RTF1: variants seen among roughly 807,000 people sequenced by gnomAD.
The protein encoded by RTF1 is RTF1 homolog, Paf1/RNA polymerase II complex component, also known as RNA polymerase-associated protein RTF1 homolog.
A neutral mutation model predicts 95.7 loss-of-function variants in RTF1; 10 were observed. The ratio of observed to expected loss-of-function variants is 0.10; its 90% CI spans 0.06 to 0.18. The LOEUF is 0.18. Ranked by LOEUF, RTF1 falls within the 10% of genes least tolerant of loss-of-function variation. The pLI is 1.00. For missense variants in RTF1, 458 were observed against 875.6 expected (o/e 0.52, Z 6.02); for synonymous variants, 305 against 311.8 (o/e 0.98, Z 0.23).
intron 7 of RTF1, 119 bp from the exon 8 acceptor site, chr15:41,471,053 T>G (rs772818953): frequency 2.9e-5 from 26 of 905,066 alleles, no homozygotes; most frequent in Non-Finnish European, 4.0e-5. Context: ...CTTCATTTAC[T>G]TCTCCTCCTA....
chr15:41,440,923 A>G (rs886571102), intron 2 of RTF1, among the ~76,000 whole-genome samples: 2 of 151,626 alleles, frequency 1.3e-5, no homozygotes, highest in South Asian at 2.1e-4. Flanking sequence ...ATGCCTAGAC[A>G]ATACAGAAAA....
chr15:41,460,367 C>G (rs892853524), intron 4 of RTF1, among the ~76,000 whole-genome samples: 4 of 152,104 alleles, frequency 2.6e-5, no homozygotes, highest in Non-Finnish European at 5.9e-5. Flanking sequence ...AAGTGATCCA[C>G]CTGCCTCAGC....
chr15:41,446,668 A>G (rs2050765060), intron 2 of RTF1, among the ~76,000 whole-genome samples: 1 of 152,162 alleles, frequency 6.6e-6, no homozygotes. Flanking sequence ...GTCTCACACT[A>G]CCCTGGTAGG....
chr15:41,438,263 T>C (rs1021033567), intron 1 of RTF1, 58 bp from the exon 2 acceptor site: 103 of 1,183,530 alleles, frequency 8.7e-5, no homozygotes, highest in Non-Finnish European at 1.2e-4. Context: ...CATTTTATTA[T>C]TCTTGGATAT....
intron 2 of RTF1, among the ~76,000 whole-genome samples, chr15:41,441,675 A>G (rs974604136): frequency 2.0e-5 from 3 of 152,160 alleles, no homozygotes; most frequent in Non-Finnish European, 2.9e-5. Context: ...AACACTACCC[A>G]ATGATTTGTG....
chr15:41,420,197 C>A (rs1198119538), intron 1 of RTF1, among the ~76,000 whole-genome samples: 2 of 152,118 alleles, frequency 1.3e-5, no homozygotes, highest in Admixed American at 1.3e-4. Context: ...ATACCTAATA[C>A]ATTTTAACAA....
At position 41,471,473 on chromosome 15, in the gene RTF1, G is replaced by C. The variant is rs1181558165; in HGVS notation, c.1203+124G>C. 1.4e-5 allele frequency: 14 copies of C among 1,017,532 alleles called. No individual in the cohort carries two copies. In the Admixed American group the frequency reaches 2.1e-4, roughly 15 times the overall value. The allele number at this position is 1,017,532 out of a possible 1,614,324, so 63.0% of individuals were successfully genotyped here. A position where few individuals can be genotyped will look rare whatever the true frequency, so the allele number is the denominator to read the frequency against. ...GCATTTGATGGAAAGTAGACTCCAA[G>C]TGGGATCCCCATAGAGCAGTGAGGT... On this transcript the variant is annotated intron_variant, in intron 8 of 17. Coordinates refer to ENST00000389629, the MANE Select transcript of RTF1 (RefSeq NM_015138.5).
chr15:41,478,367 C>A, intron 14 of RTF1, 181 bp from the exon 15 acceptor site: 1 of 577,374 alleles, frequency 1.7e-6, no homozygotes. Context: ...CGTCACTGCA[C>A]TTCAGCCTAG....
At chr15:41,478,714 A>C in intron 15 of RTF1, 89 bp downstream of exon 15, 2 of 1,170,620 alleles carry the variant, frequency 1.7e-6, no homozygotes, top group Non-Finnish European at 1.3e-6. Context: ...GAAGTTAAAA[A>C]TAATGTTTTC....
chr15:41,417,125 C>T lies in RTF1; in HGVS notation c.10C>T (p.Arg4Cys). MRG[R>C]LCVGRAAAAA... is the part of the protein sequence containing the mutation. The stretch of plus-strand genomic sequence containing the variant: ...GCGGAGCGGAGCGCGCATGCGCGGT[C>T]GCCTTTGTGTGGGTCGAGCAGCGGC... Residue 4 changes from arginine to cysteine, a missense_variant, in exon 1 of 18, where the codon CGC (arginine) becomes TGC (cysteine). By Grantham distance (180) the Arg-to-Cys change is radical. Coordinates refer to ENST00000389629, the MANE Select transcript of RTF1 (RefSeq NM_015138.5). The T allele has an allele frequency of 2.4e-6, 3 of 1,243,562 alleles. No homozygotes were observed. The highest frequency in any genetic ancestry group is 3.0e-6 in the Non-Finnish European group (3 of 989,254). 77.0% of individuals were successfully genotyped at this position (1,243,562 alleles called of 1,614,324 possible). A position where few individuals can be genotyped will look rare whatever the true frequency, so the allele number is the denominator to read the frequency against.
intron 6 of RTF1, among the ~76,000 whole-genome samples, chr15:41,468,901 C>T (rs1330902198): frequency 6.6e-6 from 1 of 152,132 alleles, no homozygotes; most frequent in African/African-American, 2.4e-5. Context: ...CTTGTGAACT[C>T]ATCATTTTTA....
intron 6 of RTF1, among the ~76,000 whole-genome samples, chr15:41,466,927 A>G (rs572028510): frequency 1.4e-4 from 21 of 152,262 alleles, no homozygotes; most frequent in African/African-American, 5.1e-4. Flanking sequence ...AGTTAGAGCT[A>G]CAGAATTGGT....
rs1436195777 is a variant in RTF1 at position 41,457,691 on chromosome 15, C to T, written c.477C>T (p.Asp159=). The T allele has an allele frequency of 3.7e-6, 6 of 1,613,982 alleles. No individual in the cohort carries two copies. The South Asian group carries it at 6.6e-5, about 18-fold the overall frequency. Residue 159 remains aspartate (D), a synonymous_variant, in exon 4 of 18, where the codon GAC becomes GAT. Coordinates refer to ENST00000389629, the MANE Select transcript of RTF1 (RefSeq NM_015138.5). The part of the protein sequence containing the change: ...APEEGEVSDS[D]SNSSSSSSDS... Reference sequence around the variant, plus strand: ...TTGCAGGTGAAGTGTCAGACTCTGACAGCAACAGCTCCTCTTCCAGTTCAG... The same window carrying T: ...TTGCAGGTGAAGTGTCAGACTCTGATAGCAACAGCTCCTCTTCCAGTTCAG...
chr15:41,424,433 A>G lies in RTF1; in HGVS notation c.198+7120A>G, dbSNP rs191868415. 2.5e-3 allele frequency among the ~76,000 whole-genome samples: 385 copies of G among 152,304 alleles called. 2 individuals carry two copies. Among genetic ancestry groups the G allele is most frequent in the South Asian group, 6.4e-3 (31 of 4,826 alleles). On this transcript the variant is annotated intron_variant, in intron 1 of 17. Coordinates refer to ENST00000389629, the MANE Select transcript of RTF1 (RefSeq NM_015138.5). ...AGGAAGGACCTCGAACCCTTATGAA[A>G]CTGAAAGAAGCACAGAGTGAGTAAC...
At chr15:41,452,517 T>A (rs551124709) in intron 2 of RTF1, among the ~76,000 whole-genome samples, 1 of 152,230 alleles carries the variant, frequency 6.6e-6, no homozygotes, top group East Asian at 1.9e-4. Context: ...GAGGATTGTC[T>A]GAGCTCAGGA....
rs1337147117 is a variant in RTF1, at chr15:41,462,773, C to T, written c.663-1998C>T. On this transcript the variant is annotated intron_variant, in intron 4 of 17. Coordinates refer to ENST00000389629, the MANE Select transcript of RTF1 (RefSeq NM_015138.5). ...TGTTTATTATTATTGTTGTTGTTATCAAGACAGGGTCTCGTTCTGTCACCC... is the reference window on the plus strand; with the variant it reads ...TGTTTATTATTATTGTTGTTGTTATTAAGACAGGGTCTCGTTCTGTCACCC... Among the ~76,000 whole-genome samples, 4 of 152,134 alleles carry T rather than the reference C, an allele frequency of 2.6e-5. No homozygotes were observed. The East Asian group carries it at 7.7e-4, about 29-fold the overall frequency.
At chr15:41,428,816 C>T (rs1033587955) in intron 1 of RTF1, among the ~76,000 whole-genome samples, 4 of 152,018 alleles carry the variant, frequency 2.6e-5, no homozygotes, top group African/African-American at 9.7e-5. Context: ...CAGCTCACTG[C>T]AACCTCTCTG....
chr15:41,474,089 T>C (rs1466118246), intron 8 of RTF1, among the ~76,000 whole-genome samples: 1 of 151,968 alleles, frequency 6.6e-6, no homozygotes, highest in Non-Finnish European at 1.5e-5. Context: ...GTTGCTGAGG[T>C]TGGTCTCAAA....
At chr15:41,475,064 ACTT>A (rs1370236518) in intron 9 of RTF1, among the ~76,000 whole-genome samples, 3 of 152,134 alleles carry the variant, frequency 2.0e-5, no homozygotes, top group Non-Finnish European at 4.4e-5. Context: ...ATTTTTATGG[ACTT>A]CATTTCCTCT....
Sources: allele counts gnomAD v4.1 joint callset (sites outside exome capture counted in the v4.1 genomes callset), GRCh38; gene constraint gnomAD v4.1.1; transcripts MANE v1.5; gene names NCBI Gene and HGNC (gene_info 2026-07-23, HGNC 2026-07-21).